The following RGSL1 variants were observed in gnomAD, a reference collection of about 807,000 sequenced individuals.
RGSL1 encodes regulator of G protein signaling protein-like.
In RGSL1, 97 loss-of-function variants were observed where a neutral mutation model predicts 124.7. That is an observed-to-expected ratio of 0.78 (90% CI 0.66 to 0.92). The LOEUF (loss-of-function observed/expected upper bound fraction) is 0.92. RGSL1 is among the 40% of genes least tolerant of loss of function. RGSL1 has a pLI of 0.00. For synonymous variants in RGSL1, 424 were observed against 438.1 expected, an observed-to-expected ratio of 0.97 and a Z score of 0.40; for missense variants, 1,233 against 1,288.4, an observed-to-expected ratio of 0.96 and a Z score of 0.66.
At chr1:182,452,825 GTTTTC>G (rs1651959449) in intron 1 of RGSL1, among the ~76,000 whole-genome samples, 1 of 152,124 alleles carries the variant, frequency 6.6e-6, no homozygotes, top group South Asian at 2.1e-4. Context: ...TGATTGTTTA[GTTTTC>G]TTATATCATA....
chr1:182,559,564 A>T (rs1033896197), intron 21 of RGSL1, among the ~76,000 whole-genome samples: 3 of 152,144 alleles, frequency 2.0e-5, no homozygotes, highest in Non-Finnish European at 2.9e-5. Context: ...TTCATCCCAC[A>T]CACTGAGAAC....
intron 4 of RGSL1, among the ~76,000 whole-genome samples, chr1:182,465,612 A>G (rs1653246540): frequency 2.0e-5 from 3 of 152,110 alleles, no homozygotes; most frequent in African/African-American, 4.8e-5. Context: ...AAAATATAAT[A>G]ATAATAATAA....
intron 15 of RGSL1, among the ~76,000 whole-genome samples, chr1:182,547,172 A>G (rs1409320696): frequency 6.6e-6 from 1 of 152,224 alleles, no homozygotes; most frequent in Non-Finnish European, 1.5e-5. Context: ...TATTTCTAAG[A>G]TCCCACAAAC....
intron 21 of RGSL1, among the ~76,000 whole-genome samples, chr1:182,556,585 T>C (rs1399232765): frequency 6.6e-6 from 1 of 152,190 alleles, no homozygotes; most frequent in African/African-American, 2.4e-5. Flanking sequence ...GTGACTCTCC[T>C]AAGATTACTG....
chr1:182,530,270 A>G lies in RGSL1; in HGVS notation c.2152A>G (p.Ile718Val), dbSNP rs1659069112. Residue 718 changes from isoleucine to valine, a missense_variant, in exon 12 of 22, where the codon ATT (isoleucine) becomes GTT (valine). Transcript: ENST00000294854. ...AGAAATGCTGCAGTGTGATGCCCCT[A>G]TTATCAAAGAAATCGCTTCCATGCG... ...PEEMLQCDAP[I>V]IKEIASMRHV... 6.4e-6 allele frequency: 10 copies of G among 1,550,730 alleles called. No homozygotes were observed. The highest frequency in any genetic ancestry group is 1.4e-5 in the African/African-American group (1 of 72,938).
At chr1:182,525,737 A>G (rs1240949304) in intron 10 of RGSL1, among the ~76,000 whole-genome samples, 1 of 152,154 alleles carries the variant, frequency 6.6e-6, no homozygotes, top group African/African-American at 2.4e-5. Context: ...ATCAAAGAAA[A>G]TAAATAATAA....
chr1:182,482,472 A>G (rs2102068055), intron 6 of RGSL1, among the ~76,000 whole-genome samples: 1 of 152,382 alleles, frequency 6.6e-6, no homozygotes, highest in African/African-American at 2.4e-5. Flanking sequence ...TAAAACTATC[A>G]TGCCTCTGTT....
intron 9 of RGSL1, among the ~76,000 whole-genome samples, chr1:182,509,827 C>A (rs1205438668): frequency 1.5e-5 from 2 of 133,622 alleles, no homozygotes; most frequent in East Asian, 2.3e-4. Context: ...GACCCCCCCC[C>A]ACCTCCCTCC....
At position 182,473,798 on chromosome 1, in the gene RGSL1, G is replaced by T. The variant is rs1654048635; in HGVS notation, c.687G>T (p.Gly229=). The change falls in exon 6 of 22, where the codon GGG becomes GGT. Residue 229 remains glycine, a synonymous_variant. Transcript: ENST00000294854. ...GCGTTTGCTACACCCACATAGGAGG[G>T]CTCCCTCTGAACATGAGCATCAAGA... is the stretch of plus-strand genomic sequence containing the variant. The part of the protein sequence containing the change: ...LYSVCYTHIG[G]LPLNMSIKKC... The T allele has an allele frequency of 6.4e-7, 1 of 1,551,722 alleles. No individual in the cohort carries two copies. The highest frequency in any genetic ancestry group is 8.7e-7 in the Non-Finnish European group (1 of 1,146,990).
chr1:182,450,138 AT>A, upstream of RGSL1: 1 of 1,551,928 alleles, frequency 6.4e-7, no homozygotes. Context: ...CCCCTAACAA[AT>A]TACTGTGTCA....
rs564737608 is a variant in RGSL1 at position 182,502,491 on chromosome 1, G to C, written c.1825+9362G>C. ...CTTGTGAGGCTGGGGTGGGAGGATT[G>C]CTTGAGCCTAGGAAGCTGAGGCTGC... On this transcript the variant is annotated intron_variant, in intron 9 of 21. Coordinates refer to ENST00000294854, the MANE Select transcript of RGSL1 (RefSeq NM_001137669.2). Among the ~76,000 whole-genome samples the C allele has an allele frequency of 9.9e-5, 15 of 152,280 alleles. No individual in the cohort carries two copies. In the South Asian group the frequency reaches 3.1e-3, roughly 32 times the overall value.
chr1:182,486,469 A>C (rs1343709683), intron 6 of RGSL1, among the ~76,000 whole-genome samples: 2 of 151,936 alleles, frequency 1.3e-5, no homozygotes, highest in African/African-American at 4.8e-5. Context: ...TGTGGGTGGC[A>C]TGCGCCTCCC....
At chr1:182,495,524 T>A (rs115219391) in intron 9 of RGSL1, among the ~76,000 whole-genome samples, 1 of 152,196 alleles carries the variant, frequency 6.6e-6, no homozygotes, top group East Asian at 1.9e-4. Flanking sequence ...AAACCATTCA[T>A]CACTGCCCAT....
At chr1:182,496,561 G>A (rs1655928192) in intron 9 of RGSL1, among the ~76,000 whole-genome samples, 1 of 152,154 alleles carries the variant, frequency 6.6e-6, no homozygotes, top group Non-Finnish European at 1.5e-5. Flanking sequence ...TTTCAGGTCT[G>A]TCATAAACTC....
intron 8 of RGSL1, among the ~76,000 whole-genome samples, chr1:182,491,698 T>C (rs1655538139): frequency 6.6e-6 from 1 of 152,180 alleles, no homozygotes; most frequent in Admixed American, 6.5e-5. Flanking sequence ...ATGATGATGA[T>C]GATGATGACT....
chr1:182,530,710 T>C, intron 12 of RGSL1, 80 bp from the exon 13 acceptor site: 1 of 1,407,862 alleles, frequency 7.1e-7, no homozygotes, highest in Non-Finnish European at 9.4e-7. Flanking sequence ...CTCCAGAAGC[T>C]GAGGTAGGTT....
intron 11 of RGSL1, among the ~76,000 whole-genome samples, chr1:182,528,866 T>TG (rs1292970785): frequency 2.0e-5 from 3 of 152,332 alleles, no homozygotes; most frequent in East Asian, 3.9e-4. Context: ...TCCACATGAC[T>TG]GGGGAGGCCT....
chr1:182,448,839 T>C (rs1651627598), upstream of RGSL1, among the ~76,000 whole-genome samples: 1 of 152,182 alleles, frequency 6.6e-6, no homozygotes, highest in South Asian at 2.1e-4. Flanking sequence ...TGGTTGTTAA[T>C]GGCTCCAACA....
chr1:182,497,792 G>A (rs1438792563), intron 9 of RGSL1, among the ~76,000 whole-genome samples: 3 of 152,056 alleles, frequency 2.0e-5, no homozygotes, highest in Non-Finnish European at 4.4e-5. Context: ...TCATGATTAG[G>A]TTCAGGTTAT....
Sources: allele counts gnomAD v4.1 joint callset (sites outside exome capture counted in the v4.1 genomes callset), GRCh38; gene constraint gnomAD v4.1.1; transcripts MANE v1.5; gene names NCBI Gene and HGNC (gene_info 2026-07-23, HGNC 2026-07-21).